The following GALNT18 variants were observed in gnomAD, a reference collection of about 807,000 sequenced individuals.
GALNT18 encodes the protein polypeptide N-acetylgalactosaminyltransferase 18.
A neutral mutation model predicts 69.5 loss-of-function variants in GALNT18; 44 were observed. That is an observed-to-expected ratio of 0.63 (90% CI 0.50 to 0.81). GALNT18 has a LOEUF of 0.81. Among genes scored for constraint, GALNT18 ranks in the 40% least tolerant of loss-of-function variants. The pLI, the probability that GALNT18 is intolerant of heterozygous loss-of-function variation, is 0.00. For missense variants in GALNT18, 715 were observed against 810.0 expected (o/e 0.88, Z 1.42); for synonymous variants, 364 against 318.2 (o/e 1.14, Z -1.53).
chr11:11,514,764 A>G (rs146372277), intron 1 of GALNT18, among the ~76,000 whole-genome samples: 85 of 152,300 alleles, frequency 5.6e-4, no homozygotes, highest in South Asian at 2.7e-3. Context: ...GACAGACTCA[A>G]CTGAGTGGCA....
chr11:11,536,468 G>A lies in GALNT18; in HGVS notation c.235+84891C>T, dbSNP rs1310909095. 2.0e-5 allele frequency among the ~76,000 whole-genome samples: 3 copies of A among 152,132 alleles called. No individual in the cohort carries two copies. The East Asian group carries it at 5.8e-4, about 29-fold the overall frequency. On this transcript the variant is annotated intron_variant, in intron 1 of 10. Coordinates refer to ENST00000227756, the MANE Select transcript of GALNT18 (RefSeq NM_198516.3). Reference sequence around the variant, plus strand: ...AGGTGGCTCTGGACCCTCAGAGGAAGGCAAGAGGGAGGAAACCAGGGCTTC... The same window carrying A: ...AGGTGGCTCTGGACCCTCAGAGGAAAGCAAGAGGGAGGAAACCAGGGCTTC...
chr11:11,522,251 A>G (rs1490918315), intron 1 of GALNT18, among the ~76,000 whole-genome samples: 3 of 152,254 alleles, frequency 2.0e-5, no homozygotes, highest in Admixed American at 6.5e-5. Flanking sequence ...TCCCTGCCCT[A>G]CAAACTCTAT....
intron 2 of GALNT18, among the ~76,000 whole-genome samples, 172 bp downstream of exon 2, chr11:11,448,572 T>A (rs1370394673): frequency 6.6e-6 from 1 of 152,250 alleles, no homozygotes; most frequent in African/African-American, 2.4e-5. Context: ...AAACTGAGGC[T>A]GAGGGAAGAG....
chr11:11,482,906 G>A (rs1026094731), intron 1 of GALNT18, among the ~76,000 whole-genome samples: 1 of 152,190 alleles, frequency 6.6e-6, no homozygotes, highest in Non-Finnish European at 1.5e-5. Context: ...CATGGGCATC[G>A]CTGAGGAGCA....
intron 6 of GALNT18, among the ~76,000 whole-genome samples, chr11:11,354,652 T>C (rs1238239216): frequency 6.6e-6 from 1 of 152,226 alleles, no homozygotes; most frequent in Non-Finnish European, 1.5e-5. Flanking sequence ...ATCACTATAA[T>C]ATTCCACTGA....
rs967851246 is a variant in GALNT18 at position 11,465,522 on chromosome 11, C to T, written c.236-16586G>A. ...GCTCAGTAGCCACAGAAGCCAAAGCCACCTGGCCATGAGGTCAGGAAGCAC... is the reference window on the plus strand; with the variant it reads ...GCTCAGTAGCCACAGAAGCCAAAGCTACCTGGCCATGAGGTCAGGAAGCAC... On this transcript the variant is annotated intron_variant, in intron 1 of 10. Transcript: ENST00000227756. The surrounding 1 kb of genome is among the most constrained non-coding windows in gnomAD (Gnocchi z 5.7). Among the ~76,000 whole-genome samples the T allele has an allele frequency of 2.0e-5, 3 of 152,184 alleles. No homozygotes were observed. Among genetic ancestry groups the T allele is most frequent in the African/African-American group, 7.2e-5 (3 of 41,442 alleles).
Position 11,555,409 on chromosome 11 carries a change from C to G in GALNT18, c.235+65950G>C, listed in dbSNP as rs117760635. Reference sequence around the variant, plus strand: ...CTCCAGTGCTTAGGAGCTCAGACTGCGACAGCATCAGCCCAGGAGTGGCCA... The same window carrying G: ...CTCCAGTGCTTAGGAGCTCAGACTGGGACAGCATCAGCCCAGGAGTGGCCA... On this transcript the variant is annotated intron_variant, in intron 1 of 10. Coordinates refer to ENST00000227756, the MANE Select transcript of GALNT18 (RefSeq NM_198516.3). This position sits in a 1 kb window ranked among gnomAD's most constrained non-coding sequence, Gnocchi z 4.7. Among the ~76,000 whole-genome samples, 6,494 of 152,316 alleles carry G rather than the reference C, an allele frequency of 0.043. 177 individuals are homozygous for G. The highest frequency in any genetic ancestry group is 0.075 in the Middle Eastern group (22 of 294).
intron 9 of GALNT18, among the ~76,000 whole-genome samples, chr11:11,307,994 A>G (rs1849607460): frequency 6.6e-6 from 1 of 152,240 alleles, no homozygotes; most frequent in Admixed American, 6.5e-5. Flanking sequence ...GCTGCAGCAC[A>G]AGGAGATGTT....
In GALNT18 at chr11:11,586,310, T is replaced by G. The variant is rs1187328880; in HGVS notation, c.235+35049A>C. Reference sequence around the variant, plus strand: ...CCATTGTTAAATAAAATAATTATTTTGAAATTTTCTCAGTTTAAATTTCTA... The same window carrying G: ...CCATTGTTAAATAAAATAATTATTTGGAAATTTTCTCAGTTTAAATTTCTA... On this transcript the variant is annotated intron_variant, in intron 1 of 10. Transcript: ENST00000227756. The surrounding 1 kb of genome is among the most constrained non-coding windows in gnomAD (Gnocchi z 4.1). Among the ~76,000 whole-genome samples the G allele has an allele frequency of 6.6e-6, 1 of 152,246 alleles. No homozygotes were observed. The highest frequency in any genetic ancestry group is 1.5e-5 in the Non-Finnish European group (1 of 68,042).
chr11:11,283,259 G>C (rs895285853), intron 10 of GALNT18, among the ~76,000 whole-genome samples: 2 of 152,148 alleles, frequency 1.3e-5, no homozygotes, highest in Non-Finnish European at 2.9e-5. Flanking sequence ...TGATTCTCCC[G>C]CCTCAGCTGC....
In GALNT18 at chr11:11,415,041, G is replaced by A. The variant is rs1393330358; in HGVS notation, c.595+17580C>T. Reference sequence around the variant, plus strand: ...TGAGGTCCCTGCTTTCCTGCTGGCTGTCATCTGGGGAATGCTCTTGGCAAC... The same window carrying A: ...TGAGGTCCCTGCTTTCCTGCTGGCTATCATCTGGGGAATGCTCTTGGCAAC... On this transcript the variant is annotated intron_variant, in intron 3 of 10. Transcript: ENST00000227756. The surrounding 1 kb of genome is among the most constrained non-coding windows in gnomAD (Gnocchi z 4.1). Among the ~76,000 whole-genome samples the A allele has an allele frequency of 6.6e-6, 1 of 152,200 alleles. No individual in the cohort carries two copies. The highest frequency in any genetic ancestry group is 2.4e-5 in the African/African-American group (1 of 41,446).
rs1477130712 is a variant in GALNT18 at position 11,435,105 on chromosome 11, A to G, written c.429-2318T>C. 6.6e-6 allele frequency among the ~76,000 whole-genome samples: 1 copy of G among 152,236 alleles called. No homozygotes were observed. The highest frequency in any genetic ancestry group is 1.9e-4 in the East Asian group (1 of 5,200). The stretch of plus-strand genomic sequence containing the variant: ...AAGGCCAATGGATTGGCACAAGTTC[A>G]CTGTCCTCCCTACTAAAACTCCACC... On this transcript the variant is annotated intron_variant, in intron 2 of 10. Transcript: ENST00000227756. This position sits in a 1 kb window ranked among gnomAD's most constrained non-coding sequence, Gnocchi z 4.4.
intron 3 of GALNT18, among the ~76,000 whole-genome samples, chr11:11,388,701 G>A (rs900315903): frequency 6.6e-6 from 1 of 152,092 alleles, no homozygotes; most frequent in African/African-American, 2.4e-5. Context: ...CCCAGGGCTG[G>A]TCTAACGCTC....
intron 1 of GALNT18, among the ~76,000 whole-genome samples, chr11:11,521,791 A>G (rs1366684977): frequency 6.6e-6 from 1 of 152,158 alleles, no homozygotes; most frequent in Non-Finnish European, 1.5e-5. Context: ...AACCCAGCCC[A>G]CACACCTTTG....
rs139808157 is a variant in GALNT18 at position 11,616,794 on chromosome 11, C to T, written c.235+4565G>A. Among the ~76,000 whole-genome samples the T allele has an allele frequency of 1.6e-3, 251 of 152,332 alleles. 1 individual carries two copies. Among genetic ancestry groups the T allele is most frequent in the African/African-American group, 5.8e-3 (240 of 41,554 alleles). ...GTGTTTACACTATTTGTACTTGTCA[C>T]TGTAACGGCATAACCTAATCACGTA... On this transcript the variant is annotated intron_variant, in intron 1 of 10. Coordinates refer to ENST00000227756, the MANE Select transcript of GALNT18 (RefSeq NM_198516.3). The surrounding 1 kb of genome is among the most constrained non-coding windows in gnomAD (Gnocchi z 4.4).
intron 1 of GALNT18, among the ~76,000 whole-genome samples, chr11:11,504,559 C>A (rs1857033910): frequency 6.6e-6 from 1 of 151,982 alleles, no homozygotes; most frequent in Non-Finnish European, 1.5e-5. Context: ...GAGTTCCAGA[C>A]CAGCCAGGGC....
At chr11:11,376,362 A>G (rs1361295926) in intron 5 of GALNT18, among the ~76,000 whole-genome samples, 2 of 134,506 alleles carry the variant, frequency 1.5e-5, no homozygotes, top group African/African-American at 2.7e-5. Context: ...AGCCTGGGTG[A>G]CAGAGTGAGA....
intron 10 of GALNT18, among the ~76,000 whole-genome samples, chr11:11,289,069 G>T (rs1849249544): frequency 6.6e-6 from 1 of 152,102 alleles, no homozygotes; most frequent in African/African-American, 2.4e-5. Flanking sequence ...AATTTGCAAA[G>T]ATTAAAACCT....
chr11:11,277,643 A>G (rs1434951574), intron 10 of GALNT18, among the ~76,000 whole-genome samples: 2 of 152,272 alleles, frequency 1.3e-5, no homozygotes, highest in South Asian at 2.1e-4. Flanking sequence ...ATTTAGTGCT[A>G]TACATTTCCC....
Sources: gnomAD v4.1 joint callset for allele counts (sites outside exome capture counted in the v4.1 genomes callset) on GRCh38, gnomAD v4.1.1 for gene constraint, Gnocchi (gnomAD v3.1) non-coding constraint, MANE v1.5 for transcripts, NCBI Gene and HGNC (gene_info 2026-07-23, HGNC 2026-07-21) for gene names.